The following ABCB4 variants were observed in gnomAD, a reference collection of about 807,000 sequenced individuals.
The protein encoded by ABCB4 is phosphatidylcholine translocator ABCB4.
In ABCB4, 76 loss-of-function variants were observed where a neutral mutation model predicts 145.7. The observed-to-expected ratio is 0.52, with a 90% CI of 0.43 to 0.63. The LOEUF is 0.63. ABCB4 is among the 30% of genes least tolerant of loss of function. The probability of loss-of-function intolerance (pLI) is 0.00; values close to 1 mark genes in which losing one functional copy is unlikely to be tolerated. For missense variants in ABCB4, 1,234 were observed against 1,553.1 expected (o/e 0.79, Z 3.45); for synonymous variants, 517 against 566.8 (o/e 0.91, Z 1.25).
rs112796369 is a variant in ABCB4 at position 87,406,991 on chromosome 7, AC to A, written c.3280-498del. On this transcript the variant is annotated intron_variant, in intron 25 of 27. Transcript: ENST00000649586. ...AAACTACTAGCCTTAACTTTCCCTC[AC>A]CTCTCTGATAGCACTAAGGACAAGA... is the stretch of plus-strand genomic sequence containing the variant. Among the ~76,000 whole-genome samples, 9 of 152,054 alleles carry A rather than the reference AC, an allele frequency of 5.9e-5. 1 individual carries two copies. The highest frequency in any genetic ancestry group is 1.9e-4 in the African/African-American group (8 of 41,476).
intron 15 of ABCB4, among the ~76,000 whole-genome samples, chr7:87,427,901 A>G (rs1325173692): frequency 6.6e-6 from 1 of 152,104 alleles, no homozygotes; most frequent in Non-Finnish European, 1.5e-5. Context: ...ATCTCTCAAC[A>G]AAAACCAACC....
chr7:87,411,900 C>G lies in ABCB4; in HGVS notation c.2917G>C (p.Val973Leu). Reference protein sequence around the residue: ...IVNGHMRFRDVILVFSAIVFG... With the variant: ...IVNGHMRFRDLILVFSAIVFG... The stretch of plus-strand genomic sequence containing the variant: ...ATTTCTAAAGCTACTTACAGAATAA[C>G]ATCTCTGAAGCGCATATGTCCATTC... The change falls in exon 23 of 28, where the codon GTT becomes CTT. Residue 973 changes from valine (V) to leucine (L), a missense_variant. This residue lies in a region of ABCB4 where 301 missense variants were observed against 389.0 expected (regional missense o/e 0.77). Coordinates refer to ENST00000649586, the MANE Select transcript of ABCB4 (RefSeq NM_000443.4). 1 of 1,613,516 alleles carries G rather than the reference C, an allele frequency of 6.2e-7. No individual in the cohort carries two copies. Among genetic ancestry groups the G allele is most frequent in the Non-Finnish European group, 8.5e-7 (1 of 1,179,594 alleles).
intron 4 of ABCB4, among the ~76,000 whole-genome samples, chr7:87,460,620 T>G: frequency 6.8e-6 from 1 of 146,438 alleles, no homozygotes; most frequent in Admixed American, 6.8e-5. Context: ...GGACACAATT[T>G]TGTATTTATT....
At chr7:87,395,720 T>C in the ABCB4 span, among the ~76,000 whole-genome samples, 16 of 152,314 alleles carry the variant, frequency 1.1e-4, no homozygotes, top group East Asian at 7.7e-4. Flanking sequence ...AAAGTTGTTT[T>C]GATTTTGGAC....
chr7:87,380,143 G>T, the ABCB4 span, among the ~76,000 whole-genome samples: 18 of 118,572 alleles, frequency 1.5e-4, no homozygotes, highest in African/African-American at 5.1e-4. Context: ...ATAAGCATAT[G>T]TACTGTAAAA....
chr7:87,384,947 T>G, the ABCB4 span, among the ~76,000 whole-genome samples: 1 of 152,198 alleles, frequency 6.6e-6, no homozygotes, highest in South Asian at 2.1e-4. Context: ...CCAGTTTTCA[T>G]GGAGCCATTT....
rs1488526352 is a variant in ABCB4, at chr7:87,475,670, G to A, written c.-43C>T. On this transcript the variant is annotated 5_prime_UTR_variant, in exon 1 of 28. Transcript: ENST00000649586. ...CGCGTGTCTGGCAGGGCCTCTGGAC[G>A]CGCGGGCGCTGCAGCAGAGGGGCCT... is the stretch of plus-strand genomic sequence containing the variant. The A allele has an allele frequency of 4.9e-6, 3 of 609,942 alleles. No homozygotes were observed. The highest frequency in any genetic ancestry group is 5.6e-5 in the Admixed American group (2 of 35,940). The allele number at this position is 609,942 out of a possible 1,614,324, so 37.8% of individuals were successfully genotyped here.
the ABCB4 span, chr7:87,382,263 A>G: frequency 7.1e-7 from 1 of 1,409,542 alleles, no homozygotes; most frequent in Admixed American, 1.9e-5. Context: ...TCATCCAAGC[A>G]TGTCTGCACA....
intron 14 of ABCB4, among the ~76,000 whole-genome samples, chr7:87,434,095 A>AT (rs756063095): frequency 0.058 from 6,852 of 117,934 alleles, 516 homozygotes; most frequent in African/African-American, 0.17. Context: ...CACCTGGCTA[A>AT]TTTTTTTTTT....
chr7:87,462,107 A>G (rs1812496462), intron 4 of ABCB4, among the ~76,000 whole-genome samples: 1 of 152,220 alleles, frequency 6.6e-6, no homozygotes, highest in Non-Finnish European at 1.5e-5. Flanking sequence ...GAAAATAACC[A>G]TGTCTATTGG....
chr7:87,475,528 C>T, intron 1 of ABCB4, 57 bp from the exon 2 acceptor site: 1 of 1,569,040 alleles, frequency 6.4e-7, no homozygotes, highest in Non-Finnish European at 8.7e-7. Flanking sequence ...GCCCGGCGCA[C>T]GAGTCGCGGG....
At chr7:87,413,508 T>C in intron 22 of ABCB4, 109 bp downstream of exon 22, 1 of 783,902 alleles carries the variant, frequency 1.3e-6, no homozygotes. Flanking sequence ...AGGCCACCCT[T>C]ATAGTCATAT....
downstream of ABCB4, chr7:87,398,925 A>G: frequency 3.3e-6 from 1 of 307,356 alleles, no homozygotes; most frequent in South Asian, 5.4e-5. Context: ...ATCCAAATCT[A>G]CAAACTTTAA....
intron 3 of ABCB4, among the ~76,000 whole-genome samples, chr7:87,466,487 C>A (rs1812913262): frequency 6.6e-6 from 1 of 152,172 alleles, no homozygotes; most frequent in Non-Finnish European, 1.5e-5. Context: ...AGGATATTAT[C>A]CAGGAGAACT....
At chr7:87,444,661 T>A (rs1811224313) in intron 10 of ABCB4, among the ~76,000 whole-genome samples, 1 of 152,304 alleles carries the variant, frequency 6.6e-6, no homozygotes, top group Non-Finnish European at 1.5e-5. Context: ...TTATATTATC[T>A]AAAGATACAT....
chr7:87,423,905 C>G lies in ABCB4; in HGVS notation c.2211+1G>C. 2 of 1,614,010 alleles carry G rather than the reference C, an allele frequency of 1.2e-6. No individual in the cohort carries two copies. The highest frequency in any genetic ancestry group is 1.7e-6 in the Non-Finnish European group (2 of 1,179,910). On this transcript the variant is annotated splice_donor_variant, in intron 17 of 27. Coordinates refer to ENST00000649586, the MANE Select transcript of ABCB4 (RefSeq NM_000443.4). LOFTEE classifies it high-confidence loss of function. ...CTGTTATGTGGTGTTTGCAAACTTA[C>G]CGCTATGATCTCTGAGAATATGACT... is the stretch of plus-strand genomic sequence containing the variant.
chr7:87,451,552 G>A (rs991693994), intron 7 of ABCB4, 71 bp downstream of exon 7: 5 of 1,558,038 alleles, frequency 3.2e-6, no homozygotes, highest in East Asian at 2.3e-5. Context: ...GTACAAGTAC[G>A]AGACTTCTGC....
intron 11 of ABCB4, 27 bp from the exon 12 acceptor site, chr7:87,443,471 A>G (rs779513595): frequency 2.1e-5 from 34 of 1,613,818 alleles, no homozygotes; most frequent in Non-Finnish European, 2.9e-5. Flanking sequence ...AAAAAAGAAC[A>G]CACTTCACAA....
chr7:87,383,543 T>G, the ABCB4 span, among the ~76,000 whole-genome samples: 4 of 151,168 alleles, frequency 2.6e-5, no homozygotes, highest in Admixed American at 2.6e-4. Flanking sequence ...TCGCCCAGGT[T>G]GGAGTGCAGT....
Sources: allele counts gnomAD v4.1 joint callset (sites outside exome capture counted in the v4.1 genomes callset), GRCh38; gene constraint gnomAD v4.1.1; regional missense constraint gnomAD v4.1.1; transcripts MANE v1.5; gene names NCBI Gene and HGNC (gene_info 2026-07-23, HGNC 2026-07-21).